The following ASCC3 variants were observed in gnomAD, a reference collection of about 807,000 sequenced individuals.
ASCC3 encodes activating signal cointegrator 1 complex subunit 3.
A neutral mutation model predicts 256.3 loss-of-function variants in ASCC3; 158 were observed. The observed-to-expected ratio is 0.62, with a 90% CI of 0.54 to 0.70. The LOEUF (loss-of-function observed/expected upper bound fraction) is 0.70, where lower values mean the gene tolerates loss of function less well. Ranked by LOEUF, ASCC3 falls within the 30% of genes least tolerant of loss-of-function variation. The probability of loss-of-function intolerance (pLI) is 0.00; values close to 1 mark genes in which losing one functional copy is unlikely to be tolerated. For missense variants in ASCC3, 2,259 were observed against 2,626.0 expected (o/e 0.86, Z 3.05); for synonymous variants, 948 against 883.4 (o/e 1.07, Z -1.30).
At chr6:100,567,675 G>C (rs1291057584) in intron 36 of ASCC3, among the ~76,000 whole-genome samples, 1 of 152,122 alleles carries the variant, frequency 6.6e-6, no homozygotes, top group Non-Finnish European at 1.5e-5. Flanking sequence ...TTCTGTTCTT[G>C]TGTTAATTTG....
intron 3 of ASCC3, among the ~76,000 whole-genome samples, chr6:100,850,061 C>T (rs1772584480): frequency 7.0e-6 from 1 of 142,098 alleles, no homozygotes. Context: ...GATAGCATCG[C>T]TGTACTCCAG....
chr6:100,573,696 T>C (rs141809474), intron 36 of ASCC3, among the ~76,000 whole-genome samples: 60 of 152,248 alleles, frequency 3.9e-4, no homozygotes, highest in African/African-American at 1.2e-3. Flanking sequence ...GTAGTTATTA[T>C]ATCACTAAGC....
At chr6:100,810,312 T>C (rs1313932625) in intron 4 of ASCC3, among the ~76,000 whole-genome samples, 6 of 152,122 alleles carry the variant, frequency 3.9e-5, no homozygotes, top group African/African-American at 1.2e-4. Flanking sequence ...GCTCAAATAA[T>C]AACTCTTCTC....
intron 22 of ASCC3, among the ~76,000 whole-genome samples, chr6:100,646,322 T>A (rs1775377266): frequency 6.6e-6 from 1 of 152,012 alleles, no homozygotes; most frequent in Admixed American, 6.6e-5. Context: ...TTATTATTAT[T>A]TTTTTGAGAC....
intron 10 of ASCC3, among the ~76,000 whole-genome samples, chr6:100,727,069 A>AT (rs1316443958): frequency 6.6e-6 from 1 of 152,078 alleles, no homozygotes; most frequent in Non-Finnish European, 1.5e-5. Flanking sequence ...CTTAAACGTT[A>AT]TTATTAAAAA....
chr6:100,828,101 A>AAC (rs1427173809), intron 4 of ASCC3, among the ~76,000 whole-genome samples: 2 of 151,140 alleles, frequency 1.3e-5, no homozygotes, highest in African/African-American at 4.8e-5. Flanking sequence ...CTAAAAAAAA[A>AAC]AAAAAAACGA....
At chr6:100,596,642 T>C (rs1298893579) in intron 34 of ASCC3, among the ~76,000 whole-genome samples, 1 of 152,232 alleles carries the variant, frequency 6.6e-6, no homozygotes, top group Non-Finnish European at 1.5e-5. Flanking sequence ...ATCATTCTCC[T>C]TTACATCTTC....
chr6:100,842,402 C>T (rs1582948306), intron 4 of ASCC3, among the ~76,000 whole-genome samples: 2 of 152,098 alleles, frequency 1.3e-5, no homozygotes, highest in Admixed American at 6.6e-5. Context: ...CATACTAAAA[C>T]ATTATTTAAC....
intron 10 of ASCC3, among the ~76,000 whole-genome samples, chr6:100,754,454 CTGTT>C (rs1781081695): frequency 6.6e-6 from 1 of 152,190 alleles, no homozygotes; most frequent in African/African-American, 2.4e-5. Context: ...ATCCCCTCAA[CTGTT>C]TGTTACAAAC....
chr6:100,549,873 G>A (rs904958639), intron 36 of ASCC3, among the ~76,000 whole-genome samples: 1 of 151,868 alleles, frequency 6.6e-6, no homozygotes, highest in Non-Finnish European at 1.5e-5. Context: ...CAGAAGACAC[G>A]GCATTTGTTC....
intron 8 of ASCC3, among the ~76,000 whole-genome samples, chr6:100,778,114 AGAG>A (rs1386457539): frequency 7.0e-6 from 1 of 141,906 alleles, no homozygotes; most frequent in Non-Finnish European, 1.6e-5. Context: ...AAAAAAAAAA[AGAG>A]AGATAAATCA....
At position 100,662,453 on chromosome 6, in the gene ASCC3, G is replaced by C; in HGVS notation, c.2370C>G (p.Asp790Glu). The part of the protein sequence containing the change: ...SIHHAGMLRQ[D>E]RNLVENLFSN... ...AAAACAAGTTTTCAACTAAATTTCT[G>C]TCCTGCCGAAGCATTCCTGCATGAT... Residue 790 changes from aspartate to glutamate, a missense_variant, in exon 15 of 42, where the codon GAC becomes GAG. By Grantham distance (45) the Asp-to-Glu change is conservative. Around this residue, in one of 2 missense-constraint regions of ASCC3, gnomAD observed 1,839 missense variants for 2,206.7 expected, o/e 0.83. Coordinates refer to ENST00000369162, the MANE Select transcript of ASCC3 (RefSeq NM_006828.4). The C allele has an allele frequency of 6.2e-7, 1 of 1,613,258 alleles. No individual in the cohort carries two copies. The highest frequency in any genetic ancestry group is 1.1e-5 in the South Asian group (1 of 91,058).
chr6:100,533,565 C>T (rs577341165), intron 37 of ASCC3, among the ~76,000 whole-genome samples: 30 of 152,264 alleles, frequency 2.0e-4, no homozygotes, highest in African/African-American at 7.2e-4. Context: ...AAAACTTTCC[C>T]AAACTAACTC....
At chr6:100,577,027 TA>T (rs79109773) in intron 36 of ASCC3, among the ~76,000 whole-genome samples, 3,430 of 134,518 alleles carry the variant, frequency 0.025, 84 homozygotes, top group African/African-American at 0.079. Context: ...ACTGCCACAT[TA>T]AAAAAAAAAA....
At chr6:100,555,362 A>G (rs1424252621) in intron 36 of ASCC3, among the ~76,000 whole-genome samples, 1 of 152,194 alleles carries the variant, frequency 6.6e-6, no homozygotes, top group Non-Finnish European at 1.5e-5. Context: ...TCTGACTTGT[A>G]TCATTGTCTT....
intron 2 of ASCC3, among the ~76,000 whole-genome samples, chr6:100,867,550 G>C (rs1773537413): frequency 6.6e-6 from 1 of 151,780 alleles, no homozygotes; most frequent in Admixed American, 6.6e-5. Flanking sequence ...TTTTACCAGA[G>C]ACCTACTGGT....
At chr6:100,824,113 C>G (rs1771182814) in intron 4 of ASCC3, among the ~76,000 whole-genome samples, 1 of 151,942 alleles carries the variant, frequency 6.6e-6, no homozygotes, top group Non-Finnish European at 1.5e-5. Context: ...TTTGTGAAAC[C>G]AAAGAATAAA....
In ASCC3 at chr6:100,638,665, G is replaced by A. The variant is rs889093537; in HGVS notation, c.4058C>T (p.Ser1353Leu). The change falls in exon 25 of 42, where the codon TCG (serine) becomes TTG (leucine). Residue 1353 changes from serine (S) to leucine (L), a missense_variant. Coordinates refer to ENST00000369162, the MANE Select transcript of ASCC3 (RefSeq NM_006828.4). The part of the protein sequence containing the change: ...CNVLLGAPTG[S>L]GKTVAAELAI... ...TAATTCAGCTGCAACAGTCTTTCCC[G>A]ATCCAGTAGGTGCTCCAAGTAGGAC... is the stretch of plus-strand genomic sequence containing the variant. 6.2e-7 allele frequency: 1 copy of A among 1,613,998 alleles called. No homozygotes were observed. The highest frequency in any genetic ancestry group is 2.2e-5 in the East Asian group (1 of 44,854).
chr6:100,871,096 CTTTT>C (rs565312321), intron 1 of ASCC3, among the ~76,000 whole-genome samples: 2 of 146,462 alleles, frequency 1.4e-5, no homozygotes, highest in Non-Finnish European at 3.0e-5. Context: ...GTCTTTTATT[CTTTT>C]TTTTTTTTCT....
Sources: gnomAD v4.1 joint callset for allele counts (sites outside exome capture counted in the v4.1 genomes callset) on GRCh38, gnomAD v4.1.1 for gene constraint, gnomAD v4.1.1 regional missense constraint, MANE v1.5 for transcripts, NCBI Gene and HGNC (gene_info 2026-07-23, HGNC 2026-07-21) for gene names.